The following NRXN3 variants were observed in gnomAD, a reference collection of about 807,000 sequenced individuals.
NRXN3 encodes the protein neurexin III.
In NRXN3, 32 loss-of-function variants were observed where a neutral mutation model predicts 137.6. That is an observed-to-expected ratio of 0.23 (90% CI 0.18 to 0.31). The LOEUF (loss-of-function observed/expected upper bound fraction) is 0.31, where lower values mean the gene tolerates loss of function less well. Among genes scored for constraint, NRXN3 ranks in the 10% least tolerant of loss-of-function variants. The pLI is 1.00. For missense variants in NRXN3, 1,574 were observed against 2,062.5 expected, an observed-to-expected ratio of 0.76 and a Z score of 4.59; for synonymous variants, 798 against 784.5, an observed-to-expected ratio of 1.02 and a Z score of -0.29.
chr14:79,391,777 T>C (rs1314361163), intron 15 of NRXN3, among the ~76,000 whole-genome samples: 1 of 152,226 alleles, frequency 6.6e-6, no homozygotes, highest in Non-Finnish European at 1.5e-5. Context: ...GCCATGAAAT[T>C]GCATTGATTT....
chr14:78,835,912 G>A (rs2098995339), intron 10 of NRXN3, among the ~76,000 whole-genome samples: 2 of 152,048 alleles, frequency 1.3e-5, no homozygotes, highest in Admixed American at 1.3e-4. Flanking sequence ...ATCTTGCACA[G>A]GCTCTCAGGC....
At chr14:78,669,905 G>C (rs990511083) in intron 6 of NRXN3, among the ~76,000 whole-genome samples, 14 of 151,974 alleles carry the variant, frequency 9.2e-5, no homozygotes, top group African/African-American at 3.4e-4. Context: ...TACATGTGCA[G>C]AACGTACAGT....
At chr14:78,510,320 T>C (rs1458914388) in intron 4 of NRXN3, among the ~76,000 whole-genome samples, 1 of 151,984 alleles carries the variant, frequency 6.6e-6, no homozygotes, top group Non-Finnish European at 1.5e-5. Flanking sequence ...ATAATAATAA[T>C]AACAATTAGT....
Position 79,460,296 on chromosome 14 carries a change from T to A in NRXN3, c.3263-6925T>A, listed in dbSNP as rs187923302. ...CATCAAAAGTTCCAGCCAAGCATAT[T>A]TGTAAGAACAGGGTTTGAACATAAC... is the stretch of plus-strand genomic sequence containing the variant. On this transcript the variant is annotated intron_variant, in intron 15 of 20. Coordinates refer to ENST00000335750, the MANE Select transcript of NRXN3 (RefSeq NM_001330195.2). 1.9e-3 allele frequency among the ~76,000 whole-genome samples: 290 copies of A among 152,262 alleles called. 1 individual carries two copies. The highest frequency in any genetic ancestry group is 6.2e-3 in the African/African-American group (259 of 41,584).
chr14:79,781,512 G>A (rs559650644), intron 19 of NRXN3, among the ~76,000 whole-genome samples: 5 of 152,260 alleles, frequency 3.3e-5, no homozygotes, highest in Non-Finnish European at 7.4e-5. Context: ...AACAGGATTC[G>A]TATCATGTTC....
rs2099025359 is a variant in NRXN3, at chr14:78,845,905, G to GTGTGTGTGT, written c.2275+35561_2275+35562insTGTGTGTGT. Among the ~76,000 whole-genome samples, 3 of 146,344 alleles carry GTGTGTGTGT rather than the reference G, an allele frequency of 2.0e-5. No individual in the cohort carries two copies. The Admixed American group carries it at 2.1e-4, about 10-fold the overall frequency. On this transcript the variant is annotated intron_variant, in intron 10 of 20. Coordinates refer to ENST00000335750, the MANE Select transcript of NRXN3 (RefSeq NM_001330195.2). Reference sequence around the variant, plus strand: ...TTTCAGGACAGTATGAGTATGTTGGGGTGTGTGTGTGTGTGTGTGTGTGTG... The same window carrying GTGTGTGTGT: ...TTTCAGGACAGTATGAGTATGTTGGGTGTGTGTGTGTGTGTGTGTGTGTGTGTGTGTGTG...
chr14:78,357,345 A>G (rs1193197673), intron 4 of NRXN3, among the ~76,000 whole-genome samples: 1 of 152,134 alleles, frequency 6.6e-6, no homozygotes, highest in Non-Finnish European at 1.5e-5. Flanking sequence ...CAGCGCAGGA[A>G]AGGCCCGCCG....
intron 8 of NRXN3, among the ~76,000 whole-genome samples, chr14:78,784,577 C>T (rs2098782527): frequency 6.6e-6 from 1 of 152,148 alleles, no homozygotes; most frequent in Non-Finnish European, 1.5e-5. Flanking sequence ...CTTGGTGAGC[C>T]AGCCAAGGAG....
At chr14:79,126,130 C>G (rs889592391) in intron 15 of NRXN3, among the ~76,000 whole-genome samples, 7 of 151,886 alleles carry the variant, frequency 4.6e-5, no homozygotes, top group African/African-American at 1.2e-4. Context: ...TTTTAATTAA[C>G]TTAAACTTTT....
chr14:79,074,224 T>C (rs1193297514), intron 15 of NRXN3, among the ~76,000 whole-genome samples: 1 of 152,244 alleles, frequency 6.6e-6, no homozygotes, highest in Non-Finnish European at 1.5e-5. Flanking sequence ...TTAGTGTCTT[T>C]GGAGCTTCCT....
At chr14:79,266,902 G>A (rs574320024) in intron 15 of NRXN3, among the ~76,000 whole-genome samples, 3 of 152,264 alleles carry the variant, frequency 2.0e-5, no homozygotes, top group Non-Finnish European at 4.4e-5. Context: ...TTTTAGAGAG[G>A]TAACACAAAA....
At chr14:78,726,973 A>AAAAAC (rs1313309275) in intron 8 of NRXN3, among the ~76,000 whole-genome samples, 37 of 151,934 alleles carry the variant, frequency 2.4e-4, no homozygotes, top group African/African-American at 8.4e-4. Flanking sequence ...AAAAAAAAAA[A>AAAAAC]AAAAACCTTC....
At chr14:79,166,932 A>T (rs558015192) in intron 15 of NRXN3, among the ~76,000 whole-genome samples, 33 of 152,042 alleles carry the variant, frequency 2.2e-4, no homozygotes, top group African/African-American at 6.7e-4. Context: ...GAAAACATTG[A>T]TTTCTTTTAA....
At chr14:79,832,133 C>T (rs2099325845) in intron 20 of NRXN3, among the ~76,000 whole-genome samples, 1 of 152,056 alleles carries the variant, frequency 6.6e-6, no homozygotes, top group African/African-American at 2.4e-5. Context: ...TTATAATACC[C>T]AATCCAACAT....
intron 4 of NRXN3, among the ~76,000 whole-genome samples, chr14:78,469,922 A>G (rs1403495097): frequency 6.6e-6 from 1 of 152,172 alleles, no homozygotes; most frequent in Non-Finnish European, 1.5e-5. Flanking sequence ...ACCTTGTTAC[A>G]TGTTAGATAA....
chr14:78,909,194 G>A (rs2099229003), intron 10 of NRXN3, among the ~76,000 whole-genome samples: 1 of 152,120 alleles, frequency 6.6e-6, no homozygotes, highest in African/African-American at 2.4e-5. Context: ...ACATTTCTTA[G>A]AAGAGTTGTG....
intron 15 of NRXN3, among the ~76,000 whole-genome samples, chr14:79,430,202 T>C (rs913778408): frequency 3.3e-5 from 5 of 152,202 alleles, no homozygotes; most frequent in African/African-American, 1.2e-4. Context: ...AAATTCCATA[T>C]TCCTATATCT....
chr14:78,699,328 A>G (rs911461077), intron 6 of NRXN3, among the ~76,000 whole-genome samples: 2 of 152,228 alleles, frequency 1.3e-5, no homozygotes, highest in Admixed American at 6.5e-5. Flanking sequence ...CTGGAATGAT[A>G]AATTGGAGGA....
At chr14:78,542,552 G>T (rs928298706) in intron 4 of NRXN3, among the ~76,000 whole-genome samples, 1 of 152,236 alleles carries the variant, frequency 6.6e-6, no homozygotes, top group Admixed American at 6.5e-5. Flanking sequence ...GAAAAGTGCA[G>T]TATTTGGGCG....
Sources: gnomAD v4.1 joint callset for allele counts (sites outside exome capture counted in the v4.1 genomes callset) on GRCh38, gnomAD v4.1.1 for gene constraint, MANE v1.5 for transcripts, NCBI Gene and HGNC (gene_info 2026-07-23, HGNC 2026-07-21) for gene names.